PRAC2: variants seen among roughly 807,000 people sequenced by gnomAD.
PRAC2 encodes PRAC2 small nuclear protein.
For synonymous variants in PRAC2, 43 were observed against 49.5 expected, an observed-to-expected ratio of 0.87 and a Z score of 0.55; for missense variants, 92 against 114.5, an observed-to-expected ratio of 0.80 and a Z score of 0.90.
At chr17:48,719,012 C>T (rs1456413510), upstream of PRAC2, among the ~76,000 whole-genome samples, 1 of 152,158 alleles carries the variant, frequency 6.6e-6, no homozygotes, top group Non-Finnish European at 1.5e-5. Context: ...CGGGGGACTC[C>T]CGGCTGGAAA....
intron 1 of PRAC2, chr17:48,723,730 G>A: frequency 7.3e-6 from 9 of 1,231,796 alleles, no homozygotes; most frequent in Non-Finnish European, 9.1e-6. Context: ...CGCGCTCTGC[G>A]TTGCGGGTGC....
upstream of PRAC2, chr17:48,721,771 A>T (rs1389907919): frequency 2.7e-6 from 4 of 1,480,378 alleles, no homozygotes; most frequent in Non-Finnish European, 3.6e-6. Flanking sequence ...GTCTTGCTAC[A>T]TTGCCCAGGC....
At chr17:48,719,213 A>G (rs1279126530), upstream of PRAC2, among the ~76,000 whole-genome samples, 2 of 26,044 alleles carry the variant, frequency 7.7e-5, no homozygotes, top group East Asian at 1.0e-3. Context: ...TCGCACACAA[A>G]CACACACACA....
At chr17:48,721,949 A>G, upstream of PRAC2, 1 of 1,462,158 alleles carries the variant, frequency 6.8e-7, no homozygotes, top group Non-Finnish European at 9.1e-7. Context: ...TAACGTTATC[A>G]ATATTAATTT....
At chr17:48,723,883 G>A in intron 1 of PRAC2, 1 of 782,712 alleles carries the variant, frequency 1.3e-6, no homozygotes, top group Non-Finnish European at 1.7e-6. Flanking sequence ...GCGTAGACGC[G>A]ACCCTGTGAT....
upstream of PRAC2, chr17:48,721,883 T>C (rs866492219): frequency 1.5e-5 from 23 of 1,524,272 alleles, no homozygotes; most frequent in African/African-American, 2.8e-4. Flanking sequence ...CAGTAGATGT[T>C]TCAAAGTAGA....
At chr17:48,718,839 G>T (rs2038119084), upstream of PRAC2, among the ~76,000 whole-genome samples, 1 of 152,192 alleles carries the variant, frequency 6.6e-6, no homozygotes, top group Non-Finnish European at 1.5e-5. Flanking sequence ...GGTGGGGACG[G>T]GTAGGACAGG....
upstream of PRAC2, among the ~76,000 whole-genome samples, chr17:48,719,212 AACACACACAC>A (rs3060082): frequency 4.2e-4 from 59 of 141,134 alleles, no homozygotes; most frequent in South Asian, 2.6e-3. Flanking sequence ...CTCGCACACA[AACACACACAC>A]ACACACACAC....
At position 48,724,422 on chromosome 17, in the gene PRAC2, G is replaced by A; in HGVS notation, c.12G>A (p.Arg4=). The change falls in exon 2 of 2, where the codon AGG becomes AGA. Residue 4 remains arginine, a synonymous_variant. Transcript: ENST00000422730. The part of the protein sequence containing the change: MDR[R]RMALRPGSRR... The stretch of plus-strand genomic sequence containing the variant: ...AAGATAAAGAAGACATGGACAGAAG[G>A]CGGATGGCTCTGCGGCCTGGCTCCC... The A allele has an allele frequency of 8.1e-7, 1 of 1,234,332 alleles. No homozygotes were observed. Among genetic ancestry groups the A allele is most frequent in the Non-Finnish European group, 1.0e-6 (1 of 988,158 alleles). 76.5% of individuals were successfully genotyped at this position (1,234,332 alleles called of 1,614,324 possible). A position where few individuals can be genotyped will look rare whatever the true frequency, so the allele number is the denominator to read the frequency against.
At chr17:48,720,717 A>G (rs1461643407), upstream of PRAC2, among the ~76,000 whole-genome samples, 1 of 152,152 alleles carries the variant, frequency 6.6e-6, no homozygotes, top group African/African-American at 2.4e-5. Context: ...AAAAATGTCC[A>G]CACGTGTTTA....
At chr17:48,722,554 G>T, upstream of PRAC2, 1 of 642,674 alleles carries the variant, frequency 1.6e-6, no homozygotes. Context: ...TCTCCCTGTA[G>T]AGTCTGGGGC....
chr17:48,721,947 T>C (rs1178763229), upstream of PRAC2: 6 of 1,462,830 alleles, frequency 4.1e-6, no homozygotes, highest in Non-Finnish European at 5.5e-6. Flanking sequence ...AATAACGTTA[T>C]CAATATTAAT....
intron 1 of PRAC2, 128 bp downstream of exon 1, chr17:48,723,441 T>A: frequency 2.9e-6 from 1 of 349,944 alleles, no homozygotes; most frequent in Non-Finnish European, 5.1e-6. Flanking sequence ...CTTAGCACCT[T>A]CAATATAACT....
intron 1 of PRAC2, chr17:48,723,842 G>A: frequency 8.8e-7 from 1 of 1,134,964 alleles, no homozygotes; most frequent in Non-Finnish European, 1.1e-6. Flanking sequence ...CACTTGCTTT[G>A]GAGTTAGAAA....
chr17:48,722,521 G>A, upstream of PRAC2: 1 of 773,620 alleles, frequency 1.3e-6, no homozygotes, highest in Admixed American at 2.0e-5. Flanking sequence ...GAGGAAGGAC[G>A]GGAGCACAGC....
upstream of PRAC2, chr17:48,722,598 C>A: frequency 1.8e-6 from 1 of 566,090 alleles, no homozygotes; most frequent in Non-Finnish European, 3.2e-6. Context: ...GTTGGTGGCT[C>A]CCCACCTCAT....
At chr17:48,719,212 AACACACACACAC>A (rs3060082), upstream of PRAC2, among the ~76,000 whole-genome samples, 10 of 141,032 alleles carry the variant, frequency 7.1e-5, no homozygotes, top group East Asian at 2.1e-4. Flanking sequence ...CTCGCACACA[AACACACACACAC>A]ACACACACAC....
intron 1 of PRAC2, chr17:48,723,634 G>A: frequency 9.1e-7 from 1 of 1,096,484 alleles, no homozygotes; most frequent in Non-Finnish European, 1.2e-6. Context: ...GGAAGGCGGG[G>A]CGGATTCTCG....
chr17:48,722,366 T>C, upstream of PRAC2: 1 of 1,614,208 alleles, frequency 6.2e-7, no homozygotes, highest in Non-Finnish European at 8.5e-7. Context: ...GGGCCGGTCC[T>C]TGATCTGAGA....
Sources: gnomAD v4.1 joint callset for allele counts (sites outside exome capture counted in the v4.1 genomes callset) on GRCh38, gnomAD v4.1.1 for gene constraint, MANE v1.5 for transcripts, NCBI Gene and HGNC (gene_info 2026-07-23, HGNC 2026-07-21) for gene names.